The following TAL1 variants were observed in gnomAD, a reference collection of about 807,000 sequenced individuals.
TAL1 encodes the protein T-cell acute lymphocytic leukemia protein 1.
In TAL1, 8 loss-of-function variants were observed where a neutral mutation model predicts 17.9. The observed-to-expected ratio is 0.45, with a 90% CI of 0.26 to 0.81. The LOEUF is 0.81. Ranked by LOEUF, TAL1 falls within the 30% of genes least tolerant of loss-of-function variation. The probability of loss-of-function intolerance (pLI) is 0.17; values close to 1 mark genes in which losing one functional copy is unlikely to be tolerated. For missense variants in TAL1, 466 were observed against 486.9 expected, an observed-to-expected ratio of 0.96 and a Z score of 0.40; for synonymous variants, 223 against 218.6, an observed-to-expected ratio of 1.02 and a Z score of -0.18.
chr1:47,219,570 G>T, exon 4 of TAL1: 1 of 1,309,384 alleles, frequency 7.6e-7, no homozygotes, highest in Non-Finnish European at 1.1e-6. Flanking sequence ...CCCAGGGTCA[G>T]TAAAGGCTTC....
intron 3 of TAL1, among the ~76,000 whole-genome samples, chr1:47,220,648 C>A (rs377399829): frequency 6.6e-6 from 1 of 152,210 alleles, no homozygotes; most frequent in African/African-American, 2.4e-5. Context: ...GGAGGTAATA[C>A]TACTAAGTCA....
exon 2 of TAL1, chr1:47,225,672 C>T (rs1643896644): frequency 7.0e-7 from 1 of 1,418,804 alleles, no homozygotes; most frequent in South Asian, 1.5e-5. Flanking sequence ...CCCTTTAAGT[C>T]TCTCGCGGCG....
chr1:47,224,964 C>T (rs1006207176), intron 2 of TAL1, among the ~76,000 whole-genome samples: 1 of 152,218 alleles, frequency 6.6e-6, no homozygotes, highest in Admixed American at 6.5e-5. Context: ...GTGCCTCTGC[C>T]ACCACCCTCA....
At chr1:47,219,554 G>T (rs1261181993) in exon 4 of TAL1, 6 of 1,147,034 alleles carry the variant, frequency 5.2e-6, no homozygotes, top group African/African-American at 1.5e-5. Flanking sequence ...AAACAGAAAA[G>T]CCAGCCCCAG....
intron 3 of TAL1, among the ~76,000 whole-genome samples, chr1:47,220,719 C>T (rs1643772109): frequency 6.6e-6 from 1 of 152,218 alleles, no homozygotes; most frequent in Non-Finnish European, 1.5e-5. Context: ...ATGCCTGCCT[C>T]AGCTTAGCAG....
intron 3 of TAL1, among the ~76,000 whole-genome samples, chr1:47,221,896 C>T (rs140540581): frequency 6.6e-6 from 1 of 152,350 alleles, no homozygotes; most frequent in African/African-American, 2.4e-5. Flanking sequence ...TGTTCACACA[C>T]ACACACTTTT....
At chr1:47,220,541 G>A (rs1643767872) in intron 3 of TAL1, among the ~76,000 whole-genome samples, 2 of 152,188 alleles carry the variant, frequency 1.3e-5, no homozygotes, top group African/African-American at 2.4e-5. Flanking sequence ...TAAGGAGACA[G>A]ACTCCATTCC....
At chr1:47,219,835 G>T in exon 4 of TAL1, 1 of 1,602,438 alleles carries the variant, frequency 6.2e-7, no homozygotes, top group Non-Finnish European at 8.5e-7. Flanking sequence ...CCCATCCAGG[G>T]AGCTGCCGCA....
At chr1:47,226,926 T>C (rs1420693193) in intron 1 of TAL1, among the ~76,000 whole-genome samples, 1 of 152,228 alleles carries the variant, frequency 6.6e-6, no homozygotes, top group African/African-American at 2.4e-5. Context: ...GAATACCTCC[T>C]TTATGCATTT....
chr1:47,226,526 CCACACACACACA>C (rs142534636), intron 1 of TAL1, among the ~76,000 whole-genome samples: 1 of 150,574 alleles, frequency 6.6e-6, no homozygotes, highest in Non-Finnish European at 1.5e-5. Flanking sequence ...CCAGCTCCCT[CCACACACACACA>C]CACACACATT....
chr1:47,226,879 G>T (rs115329596), intron 1 of TAL1, among the ~76,000 whole-genome samples: 2 of 152,146 alleles, frequency 1.3e-5, no homozygotes, highest in African/African-American at 4.8e-5. Flanking sequence ...CCCCCTCACC[G>T]CCATCTCCTG....
intron 3 of TAL1, among the ~76,000 whole-genome samples, chr1:47,221,844 C>T (rs1233239601): frequency 6.6e-6 from 1 of 152,206 alleles, no homozygotes; most frequent in African/African-American, 2.4e-5. Context: ...TCATCTCTTT[C>T]TCTCTCCTAC....
At position 47,220,275 on chromosome 1, in the gene TAL1, T is replaced by C. The variant is rs968431840; in HGVS notation, c.542-101A>G. ...AACTTGGGAAGCCTAGAATGCCTAC[T>C]TTCCTTTTACTTAGAAAACATCCAC... On this transcript the variant is annotated intron_variant, in intron 3 of 3. Transcript: ENST00000294339. 8 of 1,397,960 alleles carry C rather than the reference T, an allele frequency of 5.7e-6. No homozygotes were observed. In the African/African-American group the frequency reaches 1.2e-4, roughly 20 times the overall value. 86.6% of individuals were successfully genotyped at this position (1,397,960 alleles called of 1,614,324 possible). A position where few individuals can be genotyped will look rare whatever the true frequency, so the allele number is the denominator to read the frequency against.
Position 47,217,529 on chromosome 1 carries a change from C to T in TAL1, c.*2191G>A, listed in dbSNP as rs563967787. 1.3e-3 allele frequency: 531 copies of T among 398,644 alleles called. 4 individuals are homozygous for T. Among genetic ancestry groups the T allele is most frequent in the Non-Finnish European group, 1.5e-3 (329 of 226,086 alleles). 24.7% of individuals were successfully genotyped at this position (398,644 alleles called of 1,614,324 possible). A position where few individuals can be genotyped will look rare whatever the true frequency, so the allele number is the denominator to read the frequency against. On this transcript the variant is annotated 3_prime_UTR_variant, in exon 4 of 4. Transcript: ENST00000294339. ...ACCGGCCTACTGCCTAGGTCGTGGA[C>T]TCAGGCTGCGAAACCCCACTGCAGG...
chr1:47,220,001 A>G (rs370837144), exon 4 of TAL1: 13 of 1,607,336 alleles, frequency 8.1e-6, no homozygotes, highest in Non-Finnish European at 1.1e-5. Context: ...AGCTTGGCCA[A>G]GAAGTTGATA....
At chr1:47,223,909 T>G in intron 3 of TAL1, 95 bp downstream of exon 4, 182 of 1,232,900 alleles carry the variant, frequency 1.5e-4, no homozygotes, top group Non-Finnish European at 2.0e-4. Flanking sequence ...CCCATCTTTG[T>G]GAGATACCTA....
In TAL1 at chr1:47,225,574, G is replaced by C. The variant is rs969329807; in HGVS notation, c.315C>G (p.Pro105=). 8 of 1,283,402 alleles carry C rather than the reference G, an allele frequency of 6.2e-6. No homozygotes were observed. The African/African-American group carries it at 1.2e-4, about 20-fold the overall frequency. The allele number at this position is 1,283,402 out of a possible 1,614,324, so 79.5% of individuals were successfully genotyped here. A position where few individuals can be genotyped will look rare whatever the true frequency, so the allele number is the denominator to read the frequency against. The change falls in exon 2 of 4, where the codon CCC becomes CCG. Residue 105 remains proline (P), a synonymous_variant. Transcript: ENST00000294339. The stretch of plus-strand genomic sequence containing the variant: ...CGGGCAGCTCCGCTGTAACCGAGGC[G>C]GGCGCGGGGGCCGGGGCGGGCCCGG...
intron 1 of TAL1, 105 bp from the exon 3 acceptor site, chr1:47,225,994 G>T: frequency 9.6e-7 from 1 of 1,042,464 alleles, no homozygotes; most frequent in Non-Finnish European, 1.2e-6. Context: ...AGGAACTCAC[G>T]CACCGAGACG....
At chr1:47,225,211 C>T (rs1164795767) in intron 2 of TAL1, among the ~76,000 whole-genome samples, 2 of 152,190 alleles carry the variant, frequency 1.3e-5, no homozygotes, top group East Asian at 1.9e-4. Context: ...CCATGCACCC[C>T]GCAGCCACAC....
Sources: allele counts gnomAD v4.1 joint callset (sites outside exome capture counted in the v4.1 genomes callset), GRCh38; gene constraint gnomAD v4.1.1; transcripts MANE v1.5; gene names NCBI Gene and HGNC (gene_info 2026-07-23, HGNC 2026-07-21).